HIBCH: variants seen among roughly 807,000 people sequenced by gnomAD.
HIBCH encodes the protein 3-hydroxyisobutyryl-CoA hydrolase, mitochondrial.
In HIBCH, 50 loss-of-function variants were observed where a neutral mutation model predicts 58.2. That is an observed-to-expected ratio of 0.86 (90% CI 0.68 to 1.09). The LOEUF (loss-of-function observed/expected upper bound fraction) is 1.09, where lower values mean the gene tolerates loss of function less well. Ranked by LOEUF, HIBCH falls within the 50% of genes least tolerant of loss-of-function variation. HIBCH has a pLI of 0.00. For synonymous variants in HIBCH, 151 were observed against 146.9 expected (o/e 1.03, Z -0.20); for missense variants, 450 against 449.7 (o/e 1.00, Z -0.01).
intron 11 of HIBCH, among the ~76,000 whole-genome samples, chr2:190,222,890 G>C (rs1390237329): frequency 1.3e-5 from 2 of 152,230 alleles, no homozygotes; most frequent in African/African-American, 4.8e-5. Flanking sequence ...ATCAATGACA[G>C]ACTGGATTAA....
intron 6 of HIBCH, among the ~76,000 whole-genome samples, chr2:190,268,201 G>A (rs1220856406): frequency 3.3e-5 from 5 of 152,096 alleles, no homozygotes; most frequent in Admixed American, 6.6e-5. Flanking sequence ...GCCATAAAAC[G>A]TACGTCATTG....
At chr2:190,193,189 AT>A (rs1044446377) in intron 1 of HIBCH, among the ~76,000 whole-genome samples, 4 of 151,506 alleles carry the variant, frequency 2.6e-5, no homozygotes, top group Admixed American at 6.6e-5. Flanking sequence ...TTTTATCAAA[AT>A]TTTTTTTCTG....
At chr2:190,268,772 G>A (rs1356616438) in intron 6 of HIBCH, among the ~76,000 whole-genome samples, 4 of 152,162 alleles carry the variant, frequency 2.6e-5, no homozygotes, top group Admixed American at 6.5e-5. Context: ...GTGGAGCAGG[G>A]CTAACCCATA....
At chr2:190,298,421 C>T (rs1238733495) in intron 2 of HIBCH, among the ~76,000 whole-genome samples, 2 of 152,098 alleles carry the variant, frequency 1.3e-5, no homozygotes, top group South Asian at 2.1e-4. Flanking sequence ...CTGTTGTTGC[C>T]TGACTTTTTA....
At chr2:190,219,477 A>T (rs1053220906) in intron 11 of HIBCH, among the ~76,000 whole-genome samples, 13 of 152,188 alleles carry the variant, frequency 8.5e-5, no homozygotes, top group Non-Finnish European at 1.6e-4. Flanking sequence ...CCCGAACCAA[A>T]GAATTTGAGT....
At chr2:190,256,799 A>G (rs1005664349) in intron 7 of HIBCH, among the ~76,000 whole-genome samples, 7 of 152,200 alleles carry the variant, frequency 4.6e-5, no homozygotes, top group Non-Finnish European at 1.0e-4. Context: ...ACCAAATCAT[A>G]CTTCTAGAGA....
At chr2:190,312,162 C>T (rs1231662400) in intron 1 of HIBCH, among the ~76,000 whole-genome samples, 6 of 152,176 alleles carry the variant, frequency 3.9e-5, no homozygotes, top group African/African-American at 1.4e-4. Context: ...CTCTGGAATG[C>T]TTGTTTCTCG....
chr2:190,287,765 C>T (rs1044869308), intron 5 of HIBCH, 127 bp from the exon 6 acceptor site: 36 of 676,870 alleles, frequency 5.3e-5, no homozygotes, highest in South Asian at 2.9e-4. Flanking sequence ...ACACCAAAGA[C>T]GACTAAATGT....
At chr2:190,218,557 C>T (rs140449571) in intron 11 of HIBCH, among the ~76,000 whole-genome samples, 1 of 152,210 alleles carries the variant, frequency 6.6e-6, no homozygotes, top group African/African-American at 2.4e-5. Flanking sequence ...GACAATGACC[C>T]TTAAGACACT....
intron 6 of HIBCH, among the ~76,000 whole-genome samples, chr2:190,273,830 T>C (rs765644278): frequency 3.3e-5 from 5 of 151,974 alleles, no homozygotes; most frequent in Non-Finnish European, 5.9e-5. Context: ...AACTCTCAGG[T>C]TCTCTTTTTT....
chr2:190,246,248 C>G (rs370885275), intron 9 of HIBCH, 36 bp from the exon 10 acceptor site: 1 of 1,260,884 alleles, frequency 7.9e-7, no homozygotes, highest in Non-Finnish European at 1.1e-6. Flanking sequence ...TAAATTTGAA[C>G]ACAATTTTTT....
At chr2:190,278,393 G>A (rs1281730282) in intron 6 of HIBCH, among the ~76,000 whole-genome samples, 1 of 152,044 alleles carries the variant, frequency 6.6e-6, no homozygotes, top group African/African-American at 2.4e-5. Context: ...TAGTAGAGAG[G>A]GGATTTCGCC....
chr2:190,200,089 TG>T, downstream of HIBCH: 1 of 1,614,060 alleles, frequency 6.2e-7, no homozygotes, highest in Non-Finnish European at 8.5e-7. Flanking sequence ...CTTGCAGCAA[TG>T]GGCATGCAAT....
chr2:190,259,241 T>C (rs1320338405), intron 7 of HIBCH, among the ~76,000 whole-genome samples: 1 of 152,118 alleles, frequency 6.6e-6, no homozygotes, highest in African/African-American at 2.4e-5. Context: ...TTCCAATCCA[T>C]GAACATGTAA....
chr2:190,208,668 ATTTT>A (rs10650285), intron 13 of HIBCH: 21 of 463,440 alleles, frequency 4.5e-5, no homozygotes, highest in Non-Finnish European at 6.9e-5. Context: ...TTCAGGTTTG[ATTTT>A]TTTTTTTTTT....
chr2:190,241,456 C>T (rs931019071), intron 11 of HIBCH, among the ~76,000 whole-genome samples: 6 of 152,112 alleles, frequency 3.9e-5, no homozygotes, highest in African/African-American at 1.2e-4. Context: ...GTGCATTTAG[C>T]CCATTTACAT....
At chr2:190,218,458 G>A (rs1244572333) in intron 11 of HIBCH, among the ~76,000 whole-genome samples, 1 of 152,152 alleles carries the variant, frequency 6.6e-6, no homozygotes, top group East Asian at 1.9e-4. Context: ...CCATGGGACA[G>A]TTAGCTCTTA....
chr2:190,200,141 G>A (rs1219342663), downstream of HIBCH: 4 of 1,613,110 alleles, frequency 2.5e-6, no homozygotes, highest in East Asian at 4.5e-5. Context: ...GAGAGTGAGG[G>A]GCCTTGAGGC....
intron 6 of HIBCH, among the ~76,000 whole-genome samples, chr2:190,261,522 T>A (rs1030739538): frequency 6.6e-6 from 1 of 152,132 alleles, no homozygotes; most frequent in Non-Finnish European, 1.5e-5. Context: ...CTATTATCCA[T>A]TTGGTAAGTA....
Sources: allele counts gnomAD v4.1 joint callset (sites outside exome capture counted in the v4.1 genomes callset), GRCh38; gene constraint gnomAD v4.1.1; transcripts MANE v1.5; gene names NCBI Gene and HGNC (gene_info 2026-07-23, HGNC 2026-07-21).